GRID2: variants seen among roughly 807,000 people sequenced by gnomAD.
GRID2 encodes the protein glutamate receptor ionotropic, delta-2.
GRID2 carries 33 observed loss-of-function variants against 114.8 expected under a neutral mutation model. The ratio of observed to expected loss-of-function variants is 0.29; its 90% CI spans 0.22 to 0.38. The LOEUF is 0.38. Among genes scored for constraint, GRID2 ranks in the 10% least tolerant of loss-of-function variants. The pLI is 1.00. For synonymous variants in GRID2, 505 were observed against 449.9 expected, an observed-to-expected ratio of 1.12 and a Z score of -1.55; for missense variants, 1,184 against 1,257.7, an observed-to-expected ratio of 0.94 and a Z score of 0.89.
chr4:92,744,025 T>G (rs1737024766), intron 2 of GRID2, among the ~76,000 whole-genome samples: 1 of 152,170 alleles, frequency 6.6e-6, no homozygotes, highest in African/African-American at 2.4e-5. Flanking sequence ...CCTTATCTCA[T>G]GCTTGTTTTT....
chr4:93,604,907 C>G (rs1276525366), intron 13 of GRID2, among the ~76,000 whole-genome samples: 1 of 152,170 alleles, frequency 6.6e-6, no homozygotes, highest in Non-Finnish European at 1.5e-5. Flanking sequence ...ATAGTGTAGG[C>G]ATAACCTTTA....
At chr4:93,052,693 A>C (rs759718356) in intron 2 of GRID2, among the ~76,000 whole-genome samples, 1 of 151,964 alleles carries the variant, frequency 6.6e-6, no homozygotes, top group South Asian at 2.1e-4. Context: ...GGCAATATAC[A>C]ATGACAATTC....
At position 92,781,759 on chromosome 4, in the gene GRID2, T is replaced by C. The variant is rs527251145; in HGVS notation, c.244+191473T>C. On this transcript the variant is annotated intron_variant, in intron 2 of 15. Transcript: ENST00000282020. ...TATTGATCATAGTGCTGTTTACCTA[T>C]ATTTTTACGCGTTACAATTTCACAT... is the stretch of plus-strand genomic sequence containing the variant. 3.3e-5 allele frequency among the ~76,000 whole-genome samples: 5 copies of C among 152,164 alleles called. No individual in the cohort carries two copies. In the South Asian group the frequency reaches 8.3e-4, roughly 25 times the overall value.
chr4:92,633,275 T>G (rs544838038), intron 2 of GRID2, among the ~76,000 whole-genome samples: 1 of 152,080 alleles, frequency 6.6e-6, no homozygotes, highest in Admixed American at 6.6e-5. Context: ...GTATTTCCCC[T>G]ATAATGTGAA....
At chr4:93,468,104 A>G (rs1053404785) in intron 11 of GRID2, among the ~76,000 whole-genome samples, 5 of 152,232 alleles carry the variant, frequency 3.3e-5, no homozygotes, top group Non-Finnish European at 5.9e-5. Context: ...CCTCTGTGAT[A>G]CATATCCCTT....
chr4:93,576,248 A>G (rs899034645), intron 13 of GRID2, among the ~76,000 whole-genome samples: 7 of 152,156 alleles, frequency 4.6e-5, no homozygotes, highest in African/African-American at 1.4e-4. Context: ...GGCAGCATCA[A>G]TAGCAATCAA....
intron 4 of GRID2, among the ~76,000 whole-genome samples, chr4:93,116,450 G>C (rs1013863926): frequency 3.9e-5 from 6 of 152,090 alleles, no homozygotes; most frequent in Admixed American, 3.9e-4. Flanking sequence ...ATTATATTTA[G>C]TTTTTTATCA....
intron 1 of GRID2, among the ~76,000 whole-genome samples, chr4:93,780,378 A>C (rs560410265): frequency 3.3e-5 from 5 of 152,328 alleles, no homozygotes; most frequent in African/African-American, 1.2e-4. Context: ...CGATCAATTC[A>C]GCTGGATTGG....
At chr4:92,427,010 T>G (rs1238947468) in intron 1 of GRID2, among the ~76,000 whole-genome samples, 7 of 152,124 alleles carry the variant, frequency 4.6e-5, no homozygotes, top group African/African-American at 1.7e-4. Flanking sequence ...GTTAATGTCA[T>G]TTCCCTTCAA....
chr4:93,535,215 T>C (rs921080087), intron 13 of GRID2, among the ~76,000 whole-genome samples: 7 of 125,116 alleles, frequency 5.6e-5, no homozygotes, highest in African/African-American at 2.2e-4. Context: ...TTCCATTTTA[T>C]ACACACACAT....
At chr4:93,526,509 T>A (rs947998966) in intron 13 of GRID2, among the ~76,000 whole-genome samples, 1 of 152,206 alleles carries the variant, frequency 6.6e-6, no homozygotes, top group African/African-American at 2.4e-5. Flanking sequence ...TCTTTATGAC[T>A]TCCTTCTTTA....
Position 93,299,748 on chromosome 4 carries a change from TCTC to T in GRID2, c.1245+61262_1245+61264del, listed in dbSNP as rs200092141. On this transcript the variant is annotated intron_variant, in intron 8 of 15. Transcript: ENST00000282020. The stretch of plus-strand genomic sequence containing the variant: ...GATTAAATCTGGATTTCTTTAACCT[TCTC>T]CTCTTGCAATCTGTATTTTTAAATC... 0.025 allele frequency among the ~76,000 whole-genome samples: 3,764 copies of T among 152,182 alleles called. 209 individuals are homozygous for T. In the East Asian group the frequency reaches 0.25, roughly 10 times the overall value.
intron 7 of GRID2, among the ~76,000 whole-genome samples, chr4:93,231,328 A>G (rs567458533): frequency 6.7e-6 from 1 of 149,750 alleles, no homozygotes; most frequent in Non-Finnish European, 1.5e-5. Context: ...GTATTTATCA[A>G]ATTTCTATAT....
At chr4:92,360,837 G>A (rs1280486808) in intron 1 of GRID2, among the ~76,000 whole-genome samples, 4 of 151,900 alleles carry the variant, frequency 2.6e-5, no homozygotes, top group African/African-American at 9.7e-5. Flanking sequence ...ATCTCCACAG[G>A]AAACTTTTGT....
At chr4:92,538,773 T>C (rs1006999162) in intron 1 of GRID2, among the ~76,000 whole-genome samples, 1 of 152,140 alleles carries the variant, frequency 6.6e-6, no homozygotes, top group Non-Finnish European at 1.5e-5. Context: ...ATGTAAGGTA[T>C]TGTAATAATG....
At chr4:93,807,231 C>G (rs1234040005) in exon 2 of GRID2, 5 of 152,198 alleles carry the variant, frequency 3.3e-5, no homozygotes, top group Non-Finnish European at 5.9e-5. Context: ...TCCTCAGCTT[C>G]TATCTGTGCA....
At chr4:93,721,538 G>T (rs1729374906) in intron 14 of GRID2, among the ~76,000 whole-genome samples, 1 of 152,170 alleles carries the variant, frequency 6.6e-6, no homozygotes, top group Non-Finnish European at 1.5e-5. Context: ...CCACTGATGA[G>T]CTGTTGATCT....
At chr4:92,994,038 T>C (rs1755058567) in intron 2 of GRID2, among the ~76,000 whole-genome samples, 1 of 152,120 alleles carries the variant, frequency 6.6e-6, no homozygotes, top group Non-Finnish European at 1.5e-5. Context: ...TTATCCAGTG[T>C]CTGAGGATAC....
chr4:92,541,080 G>A (rs1276968209), intron 1 of GRID2, among the ~76,000 whole-genome samples: 1 of 152,056 alleles, frequency 6.6e-6, no homozygotes, highest in Non-Finnish European at 1.5e-5. Context: ...ACTCATAGGT[G>A]GGAATTGAAC....
Sources: allele counts gnomAD v4.1 joint callset (sites outside exome capture counted in the v4.1 genomes callset), GRCh38; gene constraint gnomAD v4.1.1; transcripts MANE v1.5; gene names NCBI Gene and HGNC (gene_info 2026-07-23, HGNC 2026-07-21).